PDXK: variants seen among roughly 807,000 people sequenced by gnomAD.
PDXK encodes the protein epididymis secretory sperm binding protein Li 1a.
PDXK carries 15 observed loss-of-function variants against 43.2 expected under a neutral mutation model. The observed-to-expected ratio is 0.35, with a 90% CI of 0.23 to 0.53. PDXK has a LOEUF of 0.53. Among genes scored for constraint, PDXK ranks in the 20% least tolerant of loss-of-function variants. The probability of loss-of-function intolerance (pLI) is 0.92; values close to 1 mark genes in which losing one functional copy is unlikely to be tolerated. For missense variants in PDXK, 343 were observed against 417.0 expected, an observed-to-expected ratio of 0.82 and a Z score of 1.54; for synonymous variants, 172 against 165.4, an observed-to-expected ratio of 1.04 and a Z score of -0.31.
Position 43,753,698 on chromosome 21 carries a change from C to A in PDXK, c.738C>A (p.His246Gln), listed in dbSNP as rs372098146. Residue 246 changes from histidine to glutamine, a missense_variant, in exon 9 of 11, where the codon CAC becomes CAA. His to Gln is a conservative substitution (Grantham distance 24). Coordinates refer to ENST00000291565, the MANE Select transcript of PDXK (RefSeq NM_003681.5). ...CTGCCATGCTCCTGGCGTGGACACACAAGCACCCCAATAACCTCAAGGTCA... is the reference window on the plus strand; with the variant it reads ...CTGCCATGCTCCTGGCGTGGACACAAAAGCACCCCAATAACCTCAAGGTCA... ...LFAAMLLAWT[H>Q]KHPNNLKVAC... 6.2e-7 allele frequency: 1 copy of A among 1,613,204 alleles called. No homozygotes were observed. The highest frequency in any genetic ancestry group is 1.1e-5 in the South Asian group (1 of 90,962).
intron 5 of PDXK, among the ~76,000 whole-genome samples, chr21:43,746,890 T>G (rs1386222412): frequency 6.6e-6 from 1 of 152,154 alleles, no homozygotes; most frequent in Non-Finnish European, 1.5e-5. Context: ...CCCAGCACTT[T>G]CGGGGGCCAG....
At position 43,760,181 on chromosome 21, in the gene PDXK, G is replaced by T. The variant is rs1302485336; in HGVS notation, c.*4118G>T. On this transcript the variant is annotated 3_prime_UTR_variant, in exon 11 of 11. Coordinates refer to ENST00000291565, the MANE Select transcript of PDXK (RefSeq NM_003681.5). ...AATCTTGGATTTTTTGTTTTTTTTT[G>T]TTTTTTTTTTTTTGAGGTGAAGTCT... 26 of 148,066 alleles carry T rather than the reference G, an allele frequency of 1.8e-4. No individual in the cohort carries two copies. Among genetic ancestry groups the T allele is most frequent in the Admixed American group, 4.0e-4 (6 of 14,848 alleles). 9.2% of individuals were successfully genotyped at this position (148,066 alleles called of 1,614,324 possible).
chr21:43,755,274 C>G (rs2083826777), intron 9 of PDXK, among the ~76,000 whole-genome samples: 1 of 151,766 alleles, frequency 6.6e-6, no homozygotes, highest in Admixed American at 6.6e-5. Flanking sequence ...TTGGCTGACT[C>G]TGAGGCATCA....
At chr21:43,726,109 T>TTTAC (rs1252495655) in intron 1 of PDXK, among the ~76,000 whole-genome samples, 1 of 152,116 alleles carries the variant, frequency 6.6e-6, no homozygotes, top group African/African-American at 2.4e-5. Flanking sequence ...GTTTCTGGTA[T>TTTAC]TTCTTCTTTT....
intron 1 of PDXK, chr21:43,729,135 C>A: frequency 1.9e-6 from 1 of 514,792 alleles, no homozygotes; most frequent in Non-Finnish European, 2.5e-6. Flanking sequence ...CCCGGCTCCG[C>A]TGGGTGCTTG....
intron 1 of PDXK, chr21:43,728,772 G>C: frequency 1.0e-6 from 1 of 985,810 alleles, no homozygotes; most frequent in Non-Finnish European, 1.2e-6. Flanking sequence ...GGATGAGCTT[G>C]TGTCGCGGGC....
Position 43,737,558 on chromosome 21 carries a change from T to C in PDXK, c.142+3435T>C. 5.0e-6 allele frequency: 5 copies of C among 1,004,908 alleles called. No individual in the cohort carries two copies. The highest frequency in any genetic ancestry group is 5.9e-6 in the Non-Finnish European group (5 of 841,754). 62.2% of individuals were successfully genotyped at this position (1,004,908 alleles called of 1,614,324 possible). ...TTGCGCTGTCCTGGCTTTCGGAGTGTAGAGCCAGAGGGGATGGGACAGGTG... is the reference window on the plus strand; with the variant it reads ...TTGCGCTGTCCTGGCTTTCGGAGTGCAGAGCCAGAGGGGATGGGACAGGTG... On this transcript the variant is annotated intron_variant, in intron 2 of 10. Coordinates refer to ENST00000291565, the MANE Select transcript of PDXK (RefSeq NM_003681.5). This position sits in a 1 kb window ranked among gnomAD's most constrained non-coding sequence, Gnocchi z 4.8.
In PDXK at chr21:43,750,916, G is replaced by T. The variant is rs1241295592; in HGVS notation, c.510+371G>T. ...TGTGGGCATGGGTGTGCACGCATGTGTGCATGTGTGTGCGTATGTGTGCAC... is the reference window on the plus strand; with the variant it reads ...TGTGGGCATGGGTGTGCACGCATGTTTGCATGTGTGTGCGTATGTGTGCAC... On this transcript the variant is annotated intron_variant, in intron 7 of 10. Transcript: ENST00000291565. Among the ~76,000 whole-genome samples, 529 of 66,496 alleles carry T rather than the reference G, an allele frequency of 8.0e-3. 3 individuals are homozygous for T. Among genetic ancestry groups the T allele is most frequent in the African/African-American group, 0.025 (501 of 20,076 alleles). The allele number at this position is 66,496 out of a possible 152,430, so 43.6% of individuals were successfully genotyped here.
At chr21:43,743,880 G>C (rs1402923565) in intron 4 of PDXK, 73 bp downstream of exon 4, 1 of 1,045,814 alleles carries the variant, frequency 9.6e-7, no homozygotes, top group Admixed American at 1.9e-5. Context: ...AGCCCGGGAA[G>C]GGACGTCTTA....
chr21:43,733,777 C>T (rs563104155), intron 1 of PDXK: 17 of 822,550 alleles, frequency 2.1e-5, no homozygotes, highest in African/African-American at 6.9e-5. Flanking sequence ...TGGAATGATG[C>T]GTGAAGTGCT....
At chr21:43,750,414 C>A in intron 6 of PDXK, 86 bp from the exon 7 acceptor site, 2 of 1,216,600 alleles carry the variant, frequency 1.6e-6, no homozygotes, top group Non-Finnish European at 2.3e-6. Context: ...ATTTCCAGAG[C>A]CGCTGCGGTT....
rs1263409553 is a variant in PDXK at position 43,732,174 on chromosome 21, G to A, written c.88-1895G>A. On this transcript the variant is annotated intron_variant, in intron 1 of 10. Coordinates refer to ENST00000291565, the MANE Select transcript of PDXK (RefSeq NM_003681.5). The surrounding 1 kb of genome is among the most constrained non-coding windows in gnomAD (Gnocchi z 4.1). ...CACATTCTTGGTACCTCCTGGTGGT[G>A]CCTGGGAGGGAGCCACTGCTGTACA... 1.4e-6 allele frequency: 2 copies of A among 1,412,766 alleles called. No individual in the cohort carries two copies. The highest frequency in any genetic ancestry group is 2.6e-5 in the East Asian group (1 of 38,924). The allele number at this position is 1,412,766 out of a possible 1,614,324, so 87.5% of individuals were successfully genotyped here.
intron 1 of PDXK, among the ~76,000 whole-genome samples, chr21:43,731,199 C>T (rs1413556563): frequency 2.0e-5 from 3 of 152,176 alleles, no homozygotes; most frequent in African/African-American, 4.8e-5. Context: ...ATCTGGCAAT[C>T]GCGTGGCCCA....
chr21:43,720,769 G>A (rs1226574303), intron 1 of PDXK, among the ~76,000 whole-genome samples: 1 of 152,202 alleles, frequency 6.6e-6, no homozygotes, highest in Non-Finnish European at 1.5e-5. Context: ...GGTGCCTGAA[G>A]CAGGGGCAGC....
At position 43,759,652 on chromosome 21, in the gene PDXK, G is replaced by A. The variant is rs1055152044; in HGVS notation, c.*3589G>A. The A allele has an allele frequency of 6.5e-6, 1 of 153,230 alleles. No homozygotes were observed. The highest frequency in any genetic ancestry group is 1.5e-5 in the Non-Finnish European group (1 of 68,182). The allele number at this position is 153,230 out of a possible 1,614,324, so 9.5% of individuals were successfully genotyped here. Reference sequence around the variant, plus strand: ...GGGAACTGGAGTTTGTGAGTGAGCAGAGCAGGTTATGTGCAGACAGGGAAA... The same window carrying A: ...GGGAACTGGAGTTTGTGAGTGAGCAAAGCAGGTTATGTGCAGACAGGGAAA... On this transcript the variant is annotated 3_prime_UTR_variant, in exon 11 of 11. Coordinates refer to ENST00000291565, the MANE Select transcript of PDXK (RefSeq NM_003681.5).
chr21:43,746,825 CT>C (rs2083646746), intron 5 of PDXK, among the ~76,000 whole-genome samples: 1 of 152,110 alleles, frequency 6.6e-6, no homozygotes, highest in African/African-American at 2.4e-5. Flanking sequence ...CTTTTTTCCC[CT>C]AACCATTTAA....
Position 43,737,480 on chromosome 21 carries a change from A to G in PDXK, c.142+3357A>G. On this transcript the variant is annotated intron_variant, in intron 2 of 10. Transcript: ENST00000291565. This position sits in a 1 kb window ranked among gnomAD's most constrained non-coding sequence, Gnocchi z 4.8. ...GGAGCTCCCTGTCTGAGCTTCCCGG[A>G]CTGAGGGCACTGGGAAGGAGCCTGC... 2 of 1,053,802 alleles carry G rather than the reference A, an allele frequency of 1.9e-6. No homozygotes were observed. Among genetic ancestry groups the G allele is most frequent in the Non-Finnish European group, 2.3e-6 (2 of 869,710 alleles). The allele number at this position is 1,053,802 out of a possible 1,614,324, so 65.3% of individuals were successfully genotyped here.
At chr21:43,739,988 C>T (rs558279837) in intron 2 of PDXK, among the ~76,000 whole-genome samples, 29 of 151,968 alleles carry the variant, frequency 1.9e-4, no homozygotes, top group Admixed American at 5.2e-4. Context: ...TGACCTCGCC[C>T]GCAGTGGATA....
chr21:43,721,752 C>A (rs2083207905), intron 1 of PDXK: 1 of 152,314 alleles, frequency 6.6e-6, no homozygotes, highest in Non-Finnish European at 1.5e-5. Flanking sequence ...GAGTGTAGCA[C>A]AGATTTGTTG....
Sources: gnomAD v4.1 joint callset for allele counts (sites outside exome capture counted in the v4.1 genomes callset) on GRCh38, gnomAD v4.1.1 for gene constraint, Gnocchi (gnomAD v3.1) non-coding constraint, MANE v1.5 for transcripts, NCBI Gene and HGNC (gene_info 2026-07-23, HGNC 2026-07-21) for gene names.